The following CTNNA3 variants were observed in gnomAD, a reference collection of about 807,000 sequenced individuals.
CTNNA3 encodes catenin alpha-3.
CTNNA3 carries 76 observed loss-of-function variants against 95.7 expected under a neutral mutation model. That is an observed-to-expected ratio of 0.79 (90% CI 0.66 to 0.96). CTNNA3 has a LOEUF of 0.96. Among genes scored for constraint, CTNNA3 ranks in the 40% least tolerant of loss-of-function variants. The probability of loss-of-function intolerance (pLI) is 0.00; values close to 1 mark genes in which losing one functional copy is unlikely to be tolerated. For missense variants in CTNNA3, 1,191 were observed against 1,089.8 expected, an observed-to-expected ratio of 1.09 and a Z score of -1.31; for synonymous variants, 431 against 374.4, an observed-to-expected ratio of 1.15 and a Z score of -1.74.
At chr10:66,287,760 G>T (rs1204323415) in intron 12 of CTNNA3, among the ~76,000 whole-genome samples, 2 of 152,052 alleles carry the variant, frequency 1.3e-5, no homozygotes, top group Non-Finnish European at 2.9e-5. Flanking sequence ...TTAAGTGAAT[G>T]ATGGCATTAT....
chr10:66,104,127 A>G (rs1308456164), intron 13 of CTNNA3, among the ~76,000 whole-genome samples: 1 of 152,184 alleles, frequency 6.6e-6, no homozygotes, highest in African/African-American at 2.4e-5. Flanking sequence ...TTCAGTGTCT[A>G]TTATAAAGAG....
chr10:66,315,618 C>T (rs892012407), intron 12 of CTNNA3, among the ~76,000 whole-genome samples: 4 of 151,706 alleles, frequency 2.6e-5, no homozygotes, highest in African/African-American at 9.7e-5. Context: ...CAGATTTATA[C>T]CACAAAGACT....
intron 5 of CTNNA3, among the ~76,000 whole-genome samples, chr10:67,247,904 G>A (rs1323462868): frequency 6.6e-6 from 1 of 152,138 alleles, no homozygotes; most frequent in East Asian, 1.9e-4. Flanking sequence ...AAGACAGTGT[G>A]TTACAATCAT....
chr10:66,091,282 T>A (rs2081203376), intron 14 of CTNNA3, among the ~76,000 whole-genome samples: 1 of 151,914 alleles, frequency 6.6e-6, no homozygotes, highest in South Asian at 2.1e-4. Flanking sequence ...ATGCCCATTG[T>A]CTAAGTAATT....
At chr10:66,126,464 A>G (rs1026291922) in intron 13 of CTNNA3, among the ~76,000 whole-genome samples, 3 of 152,218 alleles carry the variant, frequency 2.0e-5, no homozygotes, top group Admixed American at 6.5e-5. Context: ...TTGCTCTGTC[A>G]GCTGTCACCT....
At chr10:66,751,060 G>A (rs1839114994) in intron 9 of CTNNA3, among the ~76,000 whole-genome samples, 1 of 152,052 alleles carries the variant, frequency 6.6e-6, no homozygotes, top group Non-Finnish European at 1.5e-5. Context: ...ACAAGGTCAG[G>A]AGTTCAAGAC....
chr10:66,610,968 T>C (rs1589493705), intron 10 of CTNNA3, among the ~76,000 whole-genome samples: 1 of 152,124 alleles, frequency 6.6e-6, no homozygotes, highest in Non-Finnish European at 1.5e-5. Context: ...GGAATATTAT[T>C]CAGCCACAAA....
intron 7 of CTNNA3, among the ~76,000 whole-genome samples, chr10:67,066,668 C>T (rs1856111201): frequency 2.0e-5 from 3 of 152,064 alleles, no homozygotes; most frequent in Admixed American, 2.0e-4. Context: ...GTGACTTTCT[C>T]ATCTTGAATA....
intron 9 of CTNNA3, among the ~76,000 whole-genome samples, chr10:66,757,486 T>C (rs757790552): frequency 3.9e-5 from 6 of 152,184 alleles, no homozygotes; most frequent in African/African-American, 9.6e-5. Flanking sequence ...CTGATTTTCT[T>C]AGGTCTTGTG....
intron 1 of CTNNA3, among the ~76,000 whole-genome samples, chr10:67,740,447 C>T (rs1424742113): frequency 3.3e-5 from 5 of 151,096 alleles, no homozygotes; most frequent in Admixed American, 2.7e-4. Context: ...ACAATGAACT[C>T]GAACAAATGT....
intron 4 of CTNNA3, among the ~76,000 whole-genome samples, chr10:67,527,974 T>A (rs1225514284): frequency 6.6e-6 from 1 of 152,198 alleles, no homozygotes; most frequent in African/African-American, 2.4e-5. Flanking sequence ...CTCATTCTGC[T>A]CATTCTGCTC....
intron 3 of CTNNA3, among the ~76,000 whole-genome samples, chr10:67,544,489 G>A (rs770293393): frequency 1.6e-4 from 25 of 152,092 alleles, no homozygotes; most frequent in Non-Finnish European, 2.9e-4. Context: ...GAGAGTCCTG[G>A]GAGATCAAGG....
chr10:66,844,978 TATAAG>T (rs1843195224), intron 7 of CTNNA3, among the ~76,000 whole-genome samples: 1 of 152,230 alleles, frequency 6.6e-6, no homozygotes, highest in African/African-American at 2.4e-5. Flanking sequence ...CAAGTAAAGG[TATAAG>T]ATAATATTTA....
rs1470187741 is a variant in CTNNA3, at chr10:66,533,161, C to T, written c.1375-12388G>A. Among the ~76,000 whole-genome samples, 4 of 152,240 alleles carry T rather than the reference C, an allele frequency of 2.6e-5. No individual in the cohort carries two copies. In the East Asian group the frequency reaches 5.8e-4, roughly 22 times the overall value. On this transcript the variant is annotated intron_variant, in intron 10 of 17. Coordinates refer to ENST00000433211, the MANE Select transcript of CTNNA3 (RefSeq NM_013266.4). ...CCTAAGGCCCTGAAATATTTGGCCC[C>T]TGTTTATTTCTCTAGCATTATTTCC...
At position 66,792,800 on chromosome 10, in the gene CTNNA3, A is replaced by G. The variant is rs71496012; in HGVS notation, c.1048-17276T>C. On this transcript the variant is annotated intron_variant, in intron 7 of 17. Transcript: ENST00000433211. ...AGGAGTAATTATAGTATTCTAAAAC[A>G]AACTTCTAAAGATTGCCTCATCACC... Among the ~76,000 whole-genome samples the G allele has an allele frequency of 0.014, 2,082 of 152,312 alleles. 90 individuals carry two copies. The East Asian group carries it at 0.16, about 12-fold the overall frequency.
chr10:66,789,538 G>A (rs1031775812), intron 7 of CTNNA3, among the ~76,000 whole-genome samples: 13 of 152,010 alleles, frequency 8.6e-5, no homozygotes, highest in African/African-American at 2.7e-4. Context: ...CTAAATTCAC[G>A]AAAATTTACC....
intron 10 of CTNNA3, among the ~76,000 whole-genome samples, chr10:66,566,266 C>T (rs1386143): frequency 0.37 from 55,717 of 151,970 alleles, 10,834 homozygotes; most frequent in Admixed American, 0.43. Flanking sequence ...ACACGAGTTG[C>T]ACATATTCAA....
chr10:66,488,968 T>C (rs546127644), intron 11 of CTNNA3, among the ~76,000 whole-genome samples: 128 of 152,188 alleles, frequency 8.4e-4, no homozygotes, highest in African/African-American at 2.9e-3. Context: ...TTATAAATCA[T>C]TGAGAAGTAA....
At chr10:67,330,840 A>G (rs564837921) in intron 5 of CTNNA3, among the ~76,000 whole-genome samples, 8 of 152,308 alleles carry the variant, frequency 5.3e-5, no homozygotes, top group African/African-American at 1.9e-4. Flanking sequence ...GAAGTAAAAT[A>G]CGGATAAAGG....
Sources: gnomAD v4.1 joint callset for allele counts (sites outside exome capture counted in the v4.1 genomes callset) on GRCh38, gnomAD v4.1.1 for gene constraint, MANE v1.5 for transcripts, NCBI Gene and HGNC (gene_info 2026-07-23, HGNC 2026-07-21) for gene names.